Variants in FRMPD4 observed in about 807,000 individuals in gnomAD.
FRMPD4 encodes FERM and PDZ domain containing 4, also known as FERM and PDZ domain-containing protein 4.
A neutral mutation model predicts 94.1 loss-of-function variants in FRMPD4; 22 were observed. The ratio of observed to expected loss-of-function variants is 0.23; its 90% CI spans 0.17 to 0.33. FRMPD4 has a LOEUF of 0.33. Among genes scored for constraint, FRMPD4 ranks in the 10% least tolerant of loss-of-function variants. The pLI, the probability that FRMPD4 is intolerant of heterozygous loss-of-function variation, is 1.00. For synonymous variants in FRMPD4, 631 were observed against 548.6 expected (o/e 1.15, Z -2.10); for missense variants, 1,111 against 1,339.9 (o/e 0.83, Z 2.67).
At chrX:12,465,426 A>G (rs766242186) in intron 1 of FRMPD4, among the ~76,000 whole-genome samples, 3 of 111,351 alleles carry the variant, frequency 2.7e-5, no homozygotes, top group African/African-American at 9.8e-5. Flanking sequence ...GCTCATCAGC[A>G]CTAGGGCCAA....
intron 1 of FRMPD4, among the ~76,000 whole-genome samples, chrX:12,156,074 G>A (rs1317862358): frequency 1.8e-5 from 2 of 111,884 alleles, no homozygotes; most frequent in African/African-American, 6.5e-5. Flanking sequence ...CAGACGTTGT[G>A]AAATGCCCTT....
At chrX:11,887,367 G>A (rs1158239733) in intron 3 of FRMPD4, among the ~76,000 whole-genome samples, 1 of 110,958 alleles carries the variant, frequency 9.0e-6, no homozygotes, top group East Asian at 2.8e-4. Flanking sequence ...CAACCTGCAG[G>A]CACCACACCC....
intron 2 of FRMPD4, among the ~76,000 whole-genome samples, chrX:12,504,417 G>C (rs2057957596): frequency 8.9e-6 from 1 of 112,717 alleles, no homozygotes; most frequent in East Asian, 2.8e-4. Flanking sequence ...TTGGTTCAAT[G>C]AGTTCCTAGA....
At chrX:11,849,145 T>C (rs1298870497) in intron 1 of FRMPD4, among the ~76,000 whole-genome samples, 1 of 111,679 alleles carries the variant, frequency 9.0e-6, no homozygotes, top group Non-Finnish European at 1.9e-5. Context: ...AAATCAGTTG[T>C]ATTCCTGTAT....
chrX:12,489,937 A>T (rs1374706565), intron 1 of FRMPD4, among the ~76,000 whole-genome samples: 1 of 111,538 alleles, frequency 9.0e-6, no homozygotes, highest in African/African-American at 3.3e-5. Context: ...TATAAGTCCC[A>T]TAAGTGTCCA....
chrX:12,570,454 C>T lies in FRMPD4; in HGVS notation c.159-39267C>T, dbSNP rs2058750958. ...CTGAGCAGCTGGGACTACAGGCACC[C>T]ACCACCACACATGGCTAATTTTGGT... On this transcript the variant is annotated intron_variant, in intron 2 of 16. Coordinates refer to ENST00000675598, the MANE Select transcript of FRMPD4 (RefSeq NM_001368397.1). 2.7e-5 allele frequency among the ~76,000 whole-genome samples: 3 copies of T among 111,106 alleles called. No homozygotes were observed. The South Asian group carries it at 1.2e-3, about 43-fold the overall frequency.
chrX:12,174,948 A>G (rs764499637), intron 1 of FRMPD4, among the ~76,000 whole-genome samples: 1 of 112,388 alleles, frequency 8.9e-6, no homozygotes, highest in East Asian at 2.8e-4. Context: ...GAGTTCTTAA[A>G]GCAAGCTGCA....
chrX:12,210,886 A>G (rs2056748229), intron 1 of FRMPD4, among the ~76,000 whole-genome samples: 1 of 112,555 alleles, frequency 8.9e-6, no homozygotes, highest in African/African-American at 3.2e-5. Context: ...CGAAATGTTA[A>G]ACTTTCAGAA....
intron 3 of FRMPD4, among the ~76,000 whole-genome samples, chrX:12,030,532 C>T (rs896796072): frequency 2.7e-5 from 3 of 111,782 alleles, no homozygotes; most frequent in African/African-American, 9.7e-5. Context: ...TTAGGTAACA[C>T]AGCAGACAAC....
At chrX:12,405,103 T>G (rs750839972) in intron 1 of FRMPD4, among the ~76,000 whole-genome samples, 1 of 111,751 alleles carries the variant, frequency 8.9e-6, no homozygotes, top group African/African-American at 3.2e-5. Context: ...GATGAGACCC[T>G]GGCATTGGTA....
chrX:11,843,687 A>G (rs1409530217), intron 1 of FRMPD4, among the ~76,000 whole-genome samples: 2 of 110,597 alleles, frequency 1.8e-5, no homozygotes, highest in African/African-American at 6.6e-5. Flanking sequence ...CCTCCCAAGT[A>G]GCTGGGACTA....
At chrX:12,177,414 A>G (rs1399198779) in intron 1 of FRMPD4, among the ~76,000 whole-genome samples, 1 of 112,627 alleles carries the variant, frequency 8.9e-6, no homozygotes, top group Non-Finnish European at 1.9e-5. Flanking sequence ...AGATAATTCT[A>G]GTTTTCAGGA....
intron 2 of FRMPD4, among the ~76,000 whole-genome samples, chrX:12,587,763 C>G: frequency 1.8e-5 from 2 of 111,024 alleles, no homozygotes; most frequent in Non-Finnish European, 3.8e-5. Context: ...TGTAAACGAT[C>G]ATGTACAATT....
chrX:11,867,124 G>A (rs1395847007), intron 2 of FRMPD4, among the ~76,000 whole-genome samples: 1 of 111,151 alleles, frequency 9.0e-6, no homozygotes, highest in African/African-American at 3.3e-5. Flanking sequence ...TATCTCTATA[G>A]CTGTATATAT....
In FRMPD4 at chrX:12,250,064, T is replaced by G. The variant is rs12399832; in HGVS notation, c.41+111052T>G. On this transcript the variant is annotated intron_variant, in intron 1 of 16. Transcript: ENST00000675598. ...TCTCTCTCTCTGTGTGTGTGTGTGT[T>G]TGTGTGTTTGTGTGTGTGTGTGTGT... Among the ~76,000 whole-genome samples the G allele has an allele frequency of 2.5e-3, 138 of 54,717 alleles. 2 individuals are homozygous for G. The South Asian group carries it at 0.042, about 17-fold the overall frequency. The allele number at this position is 54,717 out of a possible 115,157, so 47.5% of individuals were successfully genotyped here.
rs185709390 is a variant in FRMPD4, at chrX:11,946,779, C to T, written c.95+68761C>T. ...AAGGTGAAGGAAGGGTGAATTTTCTCTGCTTGATCTGAGGCATTTATCTCC... is the reference window on the plus strand; with the variant it reads ...AAGGTGAAGGAAGGGTGAATTTTCTTTGCTTGATCTGAGGCATTTATCTCC... On this transcript the variant is annotated intron_variant, in intron 3 of 18. Transcript: ENST00000640291. 2.7e-5 allele frequency among the ~76,000 whole-genome samples: 3 copies of T among 111,415 alleles called. No homozygotes were observed. In the Admixed American group the frequency reaches 2.9e-4, roughly 11 times the overall value.
intron 1 of FRMPD4, among the ~76,000 whole-genome samples, chrX:11,864,987 T>C (rs1266680184): frequency 8.9e-6 from 1 of 112,139 alleles, no homozygotes; most frequent in African/African-American, 3.2e-5. Context: ...GGAAAATTTT[T>C]GCATTGAGTA....
intron 1 of FRMPD4, among the ~76,000 whole-genome samples, chrX:12,422,529 A>G (rs552705980): frequency 1.3e-4 from 14 of 111,951 alleles, no homozygotes; most frequent in Admixed American, 7.5e-4. Context: ...GAAGAATTCA[A>G]TGAGATAATG....
intron 2 of FRMPD4, among the ~76,000 whole-genome samples, chrX:11,866,803 A>T (rs1172120616): frequency 9.0e-6 from 1 of 111,592 alleles, no homozygotes; most frequent in Non-Finnish European, 1.9e-5. Flanking sequence ...TTTAATTTTT[A>T]AAATATTTTT....
Sources: allele counts gnomAD v4.1 joint callset (sites outside exome capture counted in the v4.1 genomes callset), GRCh38; gene constraint gnomAD v4.1.1; transcripts MANE v1.5; gene names NCBI Gene and HGNC (gene_info 2026-07-23, HGNC 2026-07-21).